Variants in SMIM13 observed in about 807,000 individuals in gnomAD.
SMIM13 encodes the protein UPF0766 protein C6orf228.
A neutral mutation model predicts 5.9 loss-of-function variants in SMIM13; 3 were observed. That is an observed-to-expected ratio of 0.51 (90% CI 0.23 to 1.31). The LOEUF is 1.31. Among genes scored for constraint, SMIM13 ranks in the 40% most tolerant of loss-of-function variants. The probability of loss-of-function intolerance (pLI) is 0.18; values close to 1 mark genes in which losing one functional copy is unlikely to be tolerated. For missense variants in SMIM13, 85 were observed against 109.9 expected (o/e 0.77, Z 1.01); for synonymous variants, 55 against 46.0 (o/e 1.19, Z -0.79).
chr6:11,117,125 G>A (rs1411338588), intron 1 of SMIM13, among the ~76,000 whole-genome samples: 1 of 147,932 alleles, frequency 6.8e-6, no homozygotes, highest in African/African-American at 2.5e-5. Context: ...TGACTAGCTG[G>A]TACCGCAGGT....
At position 11,135,112 on chromosome 6, in the gene SMIM13, A is replaced by G. The variant is rs2113672637; in HGVS notation, c.*510A>G. ...TGTCAGGTTTAATTGACATTTTAAA[A>G]TGTCTTCAAAAAGATCACACTATGA... On this transcript the variant is annotated 3_prime_UTR_variant, in exon 2 of 2. Transcript: ENST00000416247. 6.5e-6 allele frequency: 1 copy of G among 152,778 alleles called. No homozygotes were observed. Among genetic ancestry groups the G allele is most frequent in the South Asian group, 2.1e-4 (1 of 4,824 alleles). 9.5% of individuals were successfully genotyped at this position (152,778 alleles called of 1,614,324 possible).
chr6:11,103,557 G>T, intron 1 of SMIM13: 1 of 1,298,254 alleles, frequency 7.7e-7, no homozygotes, highest in Non-Finnish European at 1.0e-6. Context: ...TTGTTCTGTG[G>T]GTCTTGGCCT....
chr6:11,120,904 T>TC lies in SMIM13; in HGVS notation c.77-13495dup, dbSNP rs1396990742. 2.0e-5 allele frequency among the ~76,000 whole-genome samples: 3 copies of TC among 152,364 alleles called. No homozygotes were observed. In the South Asian group the frequency reaches 6.2e-4, roughly 32 times the overall value. ...GTAATTGAAGGTGAAATTACACTTC[T>TC]CCCCTGGGTTTGTGGTGTGTTGATA... On this transcript the variant is annotated intron_variant, in intron 1 of 1. Transcript: ENST00000416247.
chr6:11,118,818 A>G (rs1758273879), intron 1 of SMIM13, among the ~76,000 whole-genome samples: 1 of 152,250 alleles, frequency 6.6e-6, no homozygotes, highest in African/African-American at 2.4e-5. Flanking sequence ...CATTCACTTT[A>G]GCTTGTTACA....
chr6:11,094,198 C>A lies in SMIM13; in HGVS notation c.-116C>A, dbSNP rs1178327983. On this transcript the variant is annotated 5_prime_UTR_variant, in exon 1 of 2. Coordinates refer to ENST00000416247, the MANE Select transcript of SMIM13 (RefSeq NM_001135575.2). The stretch of plus-strand genomic sequence containing the variant: ...CCGAGGGGGCGCCAGCCGCCCATGC[C>A]GCCCCGGCGCCCAGCCGCGCCTGGC... 6.5e-6 allele frequency: 2 copies of A among 307,794 alleles called. No individual in the cohort carries two copies. Among genetic ancestry groups the A allele is most frequent in the South Asian group, 2.3e-4 (2 of 8,646 alleles). The allele number at this position is 307,794 out of a possible 1,614,324, so 19.1% of individuals were successfully genotyped here. A position where few individuals can be genotyped will look rare whatever the true frequency, so the allele number is the denominator to read the frequency against.
intron 1 of SMIM13, among the ~76,000 whole-genome samples, chr6:11,099,627 A>G (rs1757966886): frequency 6.6e-6 from 1 of 152,254 alleles, no homozygotes. Context: ...TGTTCAACAA[A>G]TGAATAGATG....
rs113666913 is a variant in SMIM13, at chr6:11,119,417, A to G, written c.77-14986A>G. ...CGCCTGTAATCCCAGCACTTTGGGA[A>G]GCCGAGACAGGCGAATCACGAGGTC... On this transcript the variant is annotated intron_variant, in intron 1 of 1. Coordinates refer to ENST00000416247, the MANE Select transcript of SMIM13 (RefSeq NM_001135575.2). 1.3e-5 allele frequency among the ~76,000 whole-genome samples: 2 copies of G among 152,176 alleles called. 1 individual carries two copies. The highest frequency in any genetic ancestry group is 4.8e-5 in the African/African-American group (2 of 41,516).
chr6:11,114,722 C>G (rs1013394237), intron 1 of SMIM13, among the ~76,000 whole-genome samples: 11 of 149,902 alleles, frequency 7.3e-5, no homozygotes, highest in African/African-American at 2.7e-4. Context: ...CCTCAGCCTC[C>G]TAAGTAGCTG....
At chr6:11,130,025 G>A (rs1017759168) in intron 1 of SMIM13, among the ~76,000 whole-genome samples, 2 of 152,078 alleles carry the variant, frequency 1.3e-5, no homozygotes, top group Non-Finnish European at 2.9e-5. Context: ...GCCTGTGGTA[G>A]AAGTATCAGA....
rs115950734 is a variant in SMIM13 at position 11,114,405 on chromosome 6, G to A, written c.77-19998G>A. Among the ~76,000 whole-genome samples, 894 of 151,994 alleles carry A rather than the reference G, an allele frequency of 5.9e-3. 3 individuals are homozygous for A. Among genetic ancestry groups the A allele is most frequent in the South Asian group, 0.024 (116 of 4,818 alleles). On this transcript the variant is annotated intron_variant, in intron 1 of 1. Coordinates refer to ENST00000416247, the MANE Select transcript of SMIM13 (RefSeq NM_001135575.2). ...CTGATCTTTTGGAGTGAAATATTTAGCCTTTTACCATTAAATAAATTATTA... is the reference window on the plus strand; with the variant it reads ...CTGATCTTTTGGAGTGAAATATTTAACCTTTTACCATTAAATAAATTATTA...
chr6:11,135,923 A>C lies in SMIM13; in HGVS notation c.*1321A>C, dbSNP rs556301804. The C allele has an allele frequency of 1.6e-3, 237 of 152,250 alleles. 1 individual carries two copies. The highest frequency in any genetic ancestry group is 5.4e-3 in the African/African-American group (223 of 41,536). The allele number at this position is 152,250 out of a possible 1,614,324, so 9.4% of individuals were successfully genotyped here. ...GTTAAATTAAAAATGGTAGCTTGTAAATTTATTTTTCTTTTTAAGATAGCA... is the reference window on the plus strand; with the variant it reads ...GTTAAATTAAAAATGGTAGCTTGTACATTTATTTTTCTTTTTAAGATAGCA... On this transcript the variant is annotated 3_prime_UTR_variant, in exon 2 of 2. Coordinates refer to ENST00000416247, the MANE Select transcript of SMIM13 (RefSeq NM_001135575.2).
rs1758259918 is a variant in SMIM13, at chr6:11,117,718, G to A, written c.77-16685G>A. Among the ~76,000 whole-genome samples, 3 of 151,086 alleles carry A rather than the reference G, an allele frequency of 2.0e-5. No individual in the cohort carries two copies. In the South Asian group the frequency reaches 6.2e-4, roughly 31 times the overall value. Reference sequence around the variant, plus strand: ...AGGAGGGTTTACTCTTACATTTAATGGGACTTATGATACAGAATATGGTCT... The same window carrying A: ...AGGAGGGTTTACTCTTACATTTAATAGGACTTATGATACAGAATATGGTCT... On this transcript the variant is annotated intron_variant, in intron 1 of 1. Transcript: ENST00000416247.
intron 1 of SMIM13, among the ~76,000 whole-genome samples, chr6:11,096,173 G>C (rs937940645): frequency 2.0e-5 from 3 of 152,212 alleles, no homozygotes; most frequent in African/African-American, 7.2e-5. Flanking sequence ...GTTTTGTGGA[G>C]AACAATTTTT....
chr6:11,115,251 A>C (rs1321543227), intron 1 of SMIM13, among the ~76,000 whole-genome samples: 5 of 152,218 alleles, frequency 3.3e-5, no homozygotes, highest in Non-Finnish European at 5.9e-5. Context: ...AGCTTAAGAC[A>C]ACGCACAGTT....
intron 1 of SMIM13, among the ~76,000 whole-genome samples, chr6:11,096,703 TTTTTTC>T (rs368697452): frequency 3.0e-3 from 455 of 151,922 alleles, no homozygotes; most frequent in African/African-American, 0.011. Flanking sequence ...TTTTTTTTTC[TTTTTTC>T]TTTTTTTGAG....
At chr6:11,124,850 T>A (rs1034611162) in intron 1 of SMIM13, among the ~76,000 whole-genome samples, 7 of 152,138 alleles carry the variant, frequency 4.6e-5, no homozygotes, top group Non-Finnish European at 7.3e-5. Context: ...GAACTCCTTT[T>A]ATCACTTGTA....
intron 1 of SMIM13, among the ~76,000 whole-genome samples, chr6:11,115,465 C>T (rs1758224977): frequency 1.3e-5 from 2 of 152,158 alleles, no homozygotes; most frequent in Non-Finnish European, 2.9e-5. Flanking sequence ...CCAGTTGAAT[C>T]TCTGACACCA....
At chr6:11,112,619 G>A (rs928215877) in intron 1 of SMIM13, among the ~76,000 whole-genome samples, 1 of 152,036 alleles carries the variant, frequency 6.6e-6, no homozygotes, top group Admixed American at 6.6e-5. Flanking sequence ...CATGCTTTTT[G>A]TGTTTGACTT....
chr6:11,116,203 G>A (rs746606775), intron 1 of SMIM13, among the ~76,000 whole-genome samples: 3 of 151,878 alleles, frequency 2.0e-5, no homozygotes, highest in Non-Finnish European at 2.9e-5. Flanking sequence ...TTTTTTGCTA[G>A]AGATGGGGTT....
Sources: allele counts gnomAD v4.1 joint callset (sites outside exome capture counted in the v4.1 genomes callset), GRCh38; gene constraint gnomAD v4.1.1; transcripts MANE v1.5; gene names NCBI Gene and HGNC (gene_info 2026-07-23, HGNC 2026-07-21).